FUT9: variants seen among roughly 807,000 people sequenced by gnomAD.
FUT9 encodes fucosyltransferase 9, also known as 4-galactosyl-N-acetylglucosaminide 3-alpha-L-fucosyltransferase 9.
A neutral mutation model predicts 29.7 loss-of-function variants in FUT9; 15 were observed. The ratio of observed to expected loss-of-function variants is 0.51; its 90% CI spans 0.34 to 0.78. FUT9 has a LOEUF of 0.78. Ranked by LOEUF, FUT9 falls within the 30% of genes least tolerant of loss-of-function variation. The pLI, the probability that FUT9 is intolerant of heterozygous loss-of-function variation, is 0.01. For synonymous variants in FUT9, 169 were observed against 153.7 expected (o/e 1.10, Z -0.74); for missense variants, 319 against 425.4 (o/e 0.75, Z 2.20).
intron 1 of FUT9, among the ~76,000 whole-genome samples, chr6:96,047,954 A>G (rs1200900051): frequency 6.6e-6 from 1 of 152,192 alleles, no homozygotes; most frequent in African/African-American, 2.4e-5. Flanking sequence ...ACTGGGATAA[A>G]TCAAGATGTT....
At chr6:96,095,326 G>T (rs1771476874) in intron 1 of FUT9, among the ~76,000 whole-genome samples, 1 of 151,922 alleles carries the variant, frequency 6.6e-6, no homozygotes, top group Admixed American at 6.6e-5. Context: ...TCACATATCA[G>T]TTCTCAGATT....
intron 1 of FUT9, among the ~76,000 whole-genome samples, chr6:96,062,938 T>G (rs1289116615): frequency 6.6e-6 from 1 of 152,214 alleles, no homozygotes; most frequent in Non-Finnish European, 1.5e-5. Context: ...AGCTGGCCTA[T>G]AATCCATTCA....
chr6:96,139,514 A>T (rs1370891754), intron 2 of FUT9, among the ~76,000 whole-genome samples: 1 of 151,944 alleles, frequency 6.6e-6, no homozygotes, highest in Non-Finnish European at 1.5e-5. Flanking sequence ...CAGTGGGGAC[A>T]CTCTGTGTGG....
intron 1 of FUT9, among the ~76,000 whole-genome samples, chr6:96,058,525 T>C (rs987549627): frequency 1.4e-5 from 2 of 146,314 alleles, no homozygotes; most frequent in Admixed American, 6.8e-5. Context: ...TTGAACACTT[T>C]GGAAATCCCT....
At chr6:96,134,870 A>G (rs1433274713) in intron 2 of FUT9, among the ~76,000 whole-genome samples, 2 of 151,894 alleles carry the variant, frequency 1.3e-5, no homozygotes, top group Non-Finnish European at 2.9e-5. Flanking sequence ...CTTAGTTTCC[A>G]GATAATTTAA....
intron 1 of FUT9, among the ~76,000 whole-genome samples, chr6:96,063,317 A>G (rs1484917389): frequency 6.6e-6 from 1 of 152,166 alleles, no homozygotes; most frequent in East Asian, 1.9e-4. Flanking sequence ...TGGTGCCAAC[A>G]TCTGCTCAGC....
At chr6:96,026,393 C>T (rs1770169275) in intron 1 of FUT9, among the ~76,000 whole-genome samples, 1 of 151,550 alleles carries the variant, frequency 6.6e-6, no homozygotes, top group South Asian at 2.1e-4. Flanking sequence ...ATATTAGAGT[C>T]TAAATTAGTA....
At chr6:96,109,101 A>G (rs552463203) in intron 1 of FUT9, among the ~76,000 whole-genome samples, 2 of 152,356 alleles carry the variant, frequency 1.3e-5, no homozygotes, top group African/African-American at 4.8e-5. Context: ...TTTTGGCAGC[A>G]ATGCTCACTT....
intron 1 of FUT9, among the ~76,000 whole-genome samples, chr6:96,055,351 A>G (rs556424411): frequency 2.0e-5 from 3 of 150,988 alleles, no homozygotes; most frequent in Admixed American, 6.6e-5. Flanking sequence ...CTAGGATAAT[A>G]ATTTAAATCT....
chr6:96,078,410 T>TC (rs1267712419), intron 1 of FUT9, among the ~76,000 whole-genome samples: 1 of 69,166 alleles, frequency 1.4e-5, no homozygotes, highest in Non-Finnish European at 3.2e-5. Context: ...TTAGTCTTCT[T>TC]TTTTTTTTTT....
chr6:96,196,866 A>G lies in FUT9; in HGVS notation c.-8-6282A>G, dbSNP rs1582303591. On this transcript the variant is annotated intron_variant, in intron 2 of 2. Transcript: ENST00000302103. ...CTTATGACCTACAATCAAATAAGGT[A>G]GGTCAGAAAATTTCATGGCCAGTTC... 2.0e-5 allele frequency among the ~76,000 whole-genome samples: 3 copies of G among 152,294 alleles called. No homozygotes were observed. The South Asian group carries it at 6.2e-4, about 32-fold the overall frequency.
intron 1 of FUT9, among the ~76,000 whole-genome samples, chr6:96,109,062 A>G (rs1771748756): frequency 2.0e-5 from 3 of 152,242 alleles, no homozygotes; most frequent in African/African-American, 2.4e-5. Context: ...TACTTAAAGT[A>G]TAGCCACAGG....
intron 1 of FUT9, among the ~76,000 whole-genome samples, chr6:96,031,054 TA>T (rs1044256877): frequency 3.3e-5 from 5 of 151,472 alleles, no homozygotes; most frequent in Admixed American, 6.6e-5. Context: ...CTTGCCACTT[TA>T]AAAAGATTAA....
At chr6:96,078,383 G>T (rs1771174333) in intron 1 of FUT9, among the ~76,000 whole-genome samples, 1 of 96,936 alleles carries the variant, frequency 1.0e-5, no homozygotes. Context: ...TGCTTGCTTT[G>T]ATCTCTTTCT....
chr6:96,109,894 C>T (rs1771765074), intron 1 of FUT9, among the ~76,000 whole-genome samples: 1 of 152,102 alleles, frequency 6.6e-6, no homozygotes, highest in African/African-American at 2.4e-5. Context: ...TTACCCTTCC[C>T]CTCACACCCA....
At chr6:96,097,585 C>T (rs982863724) in intron 1 of FUT9, among the ~76,000 whole-genome samples, 2 of 151,196 alleles carry the variant, frequency 1.3e-5, no homozygotes, top group African/African-American at 2.4e-5. Flanking sequence ...AAGGTGAAAA[C>T]GTAAAAACTG....
chr6:96,163,995 C>T (rs986237884), intron 2 of FUT9, among the ~76,000 whole-genome samples: 41 of 152,062 alleles, frequency 2.7e-4, no homozygotes, highest in African/African-American at 9.7e-4. Flanking sequence ...AATATATGCC[C>T]AAGGTGGTCA....
At chr6:96,119,964 T>C (rs1398589783) in intron 2 of FUT9, among the ~76,000 whole-genome samples, 4 of 152,172 alleles carry the variant, frequency 2.6e-5, no homozygotes, top group Non-Finnish European at 5.9e-5. Context: ...TTCTATACCT[T>C]CAAATAATAG....
intron 1 of FUT9, among the ~76,000 whole-genome samples, chr6:96,019,860 T>C (rs1248592724): frequency 6.6e-6 from 1 of 152,104 alleles, no homozygotes; most frequent in Non-Finnish European, 1.5e-5. Context: ...AGTTTCAAAG[T>C]AGTTAATAGA....
Sources: allele counts gnomAD v4.1 joint callset (sites outside exome capture counted in the v4.1 genomes callset), GRCh38; gene constraint gnomAD v4.1.1; transcripts MANE v1.5; gene names NCBI Gene and HGNC (gene_info 2026-07-23, HGNC 2026-07-21).